The following ZNF589 variants were observed in gnomAD, a reference collection of about 807,000 sequenced individuals.
ZNF589 encodes zinc finger protein 589.
ZNF589 carries 17 observed loss-of-function variants against 13.6 expected under a neutral mutation model. The ratio of observed to expected loss-of-function variants is 1.25; its 90% CI spans 0.86 to 1.88. The LOEUF is 1.88. ZNF589 is among the 40% of genes most tolerant of loss of function. ZNF589 has a pLI of 0.00. For synonymous variants in ZNF589, 148 were observed against 161.6 expected, an observed-to-expected ratio of 0.92 and a Z score of 0.64; for missense variants, 407 against 434.0, an observed-to-expected ratio of 0.94 and a Z score of 0.55.
chr3:48,243,542 T>A (rs2033720476), intron 1 of ZNF589, among the ~76,000 whole-genome samples: 1 of 151,950 alleles, frequency 6.6e-6, no homozygotes, highest in African/African-American at 2.4e-5. Context: ...CCGGGCGCGG[T>A]GACTCACGTT....
In ZNF589 at chr3:48,269,414, G is replaced by T. The variant is rs150147797; in HGVS notation, c.*628G>T. On this transcript the variant is annotated 3_prime_UTR_variant, in exon 4 of 4. Transcript: ENST00000354698. ...TGATAAATCAACTCTCCTCGCACACGAGCAGACACATTCAGGGGAGAAGCC... is the reference window on the plus strand; with the variant it reads ...TGATAAATCAACTCTCCTCGCACACTAGCAGACACATTCAGGGGAGAAGCC... The T allele has an allele frequency of 1.8e-3, 804 of 455,554 alleles. 7 individuals are homozygous for T. The highest frequency in any genetic ancestry group is 0.016 in the African/African-American group (758 of 47,788). 28.2% of individuals were successfully genotyped at this position (455,554 alleles called of 1,614,324 possible).
chr3:48,244,358 C>T (rs1017542568), intron 1 of ZNF589, among the ~76,000 whole-genome samples: 3 of 152,114 alleles, frequency 2.0e-5, no homozygotes, highest in Admixed American at 1.3e-4. Context: ...CTTTGTTTTC[C>T]TCCTGAGTTT....
chr3:48,270,102 C>T lies in ZNF589; in HGVS notation c.*1316C>T, dbSNP rs1171795522. On this transcript the variant is annotated 3_prime_UTR_variant, in exon 4 of 4. Transcript: ENST00000354698. ...ACTTCCTTCTGCAACTGTGTTCTTCCATTAGCTTCCATGACACTCTCCTGC... is the reference window on the plus strand; with the variant it reads ...ACTTCCTTCTGCAACTGTGTTCTTCTATTAGCTTCCATGACACTCTCCTGC... The T allele has an allele frequency of 4.4e-6, 2 of 457,126 alleles. No individual in the cohort carries two copies. The highest frequency in any genetic ancestry group is 4.7e-5 in the Admixed American group (2 of 42,590). 28.3% of individuals were successfully genotyped at this position (457,126 alleles called of 1,614,324 possible).
rs1181253690 is a variant in ZNF589 at position 48,269,335 on chromosome 3, T to C, written c.*549T>C. 2.5e-6 allele frequency: 3 copies of C among 1,217,102 alleles called. No homozygotes were observed. The highest frequency in any genetic ancestry group is 4.4e-5 in the Admixed American group (2 of 45,170). The allele number at this position is 1,217,102 out of a possible 1,614,324, so 75.4% of individuals were successfully genotyped here. A position where few individuals can be genotyped will look rare whatever the true frequency, so the allele number is the denominator to read the frequency against. Reference sequence around the variant, plus strand: ...AGTCAACCCTCCACTACCACCGGAGTACACACTCCAAGGAAAAACCTTATG... The same window carrying C: ...AGTCAACCCTCCACTACCACCGGAGCACACACTCCAAGGAAAAACCTTATG... On this transcript the variant is annotated 3_prime_UTR_variant, in exon 4 of 4. Coordinates refer to ENST00000354698, the MANE Select transcript of ZNF589 (RefSeq NM_016089.3).
rs1177033444 is a variant in ZNF589 at position 48,241,304 on chromosome 3, G to C, written c.43+90G>C. On this transcript the variant is annotated intron_variant, in intron 1 of 3. Transcript: ENST00000354698. ...TCGGCCGTATCCACCAGGGATGCGCGTGGGGTGCGAGCTGTGTGAGGCGCT... is the reference window on the plus strand; with the variant it reads ...TCGGCCGTATCCACCAGGGATGCGCCTGGGGTGCGAGCTGTGTGAGGCGCT... 6 of 1,516,260 alleles carry C rather than the reference G, an allele frequency of 4.0e-6. No individual in the cohort carries two copies. The East Asian group carries it at 9.1e-5, about 23-fold the overall frequency. The allele number at this position is 1,516,260 out of a possible 1,614,324, so 93.9% of individuals were successfully genotyped here.
intron 2 of ZNF589, chr3:48,256,951 A>C (rs765280641): frequency 1.6e-5 from 10 of 642,972 alleles, no homozygotes; most frequent in South Asian, 1.5e-4. Context: ...TGAAAAACCA[A>C]CCCTGACCTC....
At chr3:48,251,235 A>T (rs1426624896) in intron 2 of ZNF589, among the ~76,000 whole-genome samples, 2 of 152,130 alleles carry the variant, frequency 1.3e-5, no homozygotes. Flanking sequence ...AGAGGAACCT[A>T]TACAAAGAAG....
intron 3 of ZNF589, among the ~76,000 whole-genome samples, chr3:48,263,102 ACTTT>A (rs1180894478): frequency 6.6e-6 from 1 of 151,764 alleles, no homozygotes; most frequent in Non-Finnish European, 1.5e-5. Context: ...ATTGTAAATT[ACTTT>A]CTTTTTTTCT....
intron 2 of ZNF589, among the ~76,000 whole-genome samples, chr3:48,259,918 C>CAAA (rs538817691): frequency 1.0e-5 from 1 of 98,160 alleles, no homozygotes. Context: ...GACTCCGTAT[C>CAAA]AAAAAAAAAA....
At chr3:48,256,978 C>A in intron 2 of ZNF589, 1 of 612,408 alleles carries the variant, frequency 1.6e-6, no homozygotes, top group South Asian at 1.5e-5. Flanking sequence ...GATTGATTTT[C>A]AAATGTTGAA....
chr3:48,254,490 C>T (rs1339982317), intron 2 of ZNF589, among the ~76,000 whole-genome samples: 2 of 152,124 alleles, frequency 1.3e-5, no homozygotes, highest in South Asian at 2.1e-4. Flanking sequence ...ATCAGTTTCT[C>T]GATAGGTACA....
chr3:48,251,174 A>T (rs546229870), intron 2 of ZNF589, among the ~76,000 whole-genome samples: 1 of 152,298 alleles, frequency 6.6e-6, no homozygotes, highest in Admixed American at 6.5e-5. Context: ...ACTTTTGAGG[A>T]TGTGGCTGTG....
At chr3:48,263,257 G>A (rs531740122) in intron 3 of ZNF589, among the ~76,000 whole-genome samples, 7 of 152,058 alleles carry the variant, frequency 4.6e-5, no homozygotes, top group South Asian at 2.1e-4. Flanking sequence ...TTACAGGCAC[G>A]TGCCACCACG....
In ZNF589 at chr3:48,269,752, G is replaced by A. The variant is rs556910634; in HGVS notation, c.*966G>A. On this transcript the variant is annotated 3_prime_UTR_variant, in exon 4 of 4. Transcript: ENST00000354698. ...CAAGTCAGCCATCAGCCACACCAGC[G>A]GAAATGCTTAGGGAGAAGCCTTGTT... 5 of 339,184 alleles carry A rather than the reference G, an allele frequency of 1.5e-5. No individual in the cohort carries two copies. Among genetic ancestry groups the A allele is most frequent in the East Asian group, 7.6e-5 (1 of 13,158 alleles). 21.0% of individuals were successfully genotyped at this position (339,184 alleles called of 1,614,324 possible). A position where few individuals can be genotyped will look rare whatever the true frequency, so the allele number is the denominator to read the frequency against.
chr3:48,245,030 G>C (rs1277433749), intron 1 of ZNF589, among the ~76,000 whole-genome samples: 3 of 151,908 alleles, frequency 2.0e-5, no homozygotes, highest in African/African-American at 7.3e-5. Context: ...GGCCAGGCTG[G>C]TCTCGAACTA....
chr3:48,242,252 A>G (rs754571393), intron 1 of ZNF589, among the ~76,000 whole-genome samples: 12 of 152,082 alleles, frequency 7.9e-5, no homozygotes, highest in Non-Finnish European at 1.6e-4. Context: ...CTGGAATTAC[A>G]GGGACACGCC....
chr3:48,269,547 G>A lies in ZNF589; in HGVS notation c.*761G>A, dbSNP rs930974641. On this transcript the variant is annotated 3_prime_UTR_variant, in exon 4 of 4. Transcript: ENST00000354698. ...CCTTACGCATGCATCGAGTGTGGGC[G>A]AAACTTTAGCCACAAGTCCACTCTC... is the stretch of plus-strand genomic sequence containing the variant. The A allele has an allele frequency of 2.0e-5, 7 of 344,394 alleles. No individual in the cohort carries two copies. The highest frequency in any genetic ancestry group is 3.4e-5 in the Non-Finnish European group (6 of 176,318). The allele number at this position is 344,394 out of a possible 1,614,324, so 21.3% of individuals were successfully genotyped here. A position where few individuals can be genotyped will look rare whatever the true frequency, so the allele number is the denominator to read the frequency against.
At chr3:48,250,254 C>T (rs2033822448) in intron 2 of ZNF589, among the ~76,000 whole-genome samples, 1 of 150,292 alleles carries the variant, frequency 6.7e-6, no homozygotes, top group East Asian at 1.9e-4. Context: ...TCCTGCTTTC[C>T]TCTCCCCTCT....
chr3:48,270,866 G>C lies in ZNF589; in HGVS notation c.*2080G>C, dbSNP rs1043925437. On this transcript the variant is annotated 3_prime_UTR_variant, in exon 4 of 4. Transcript: ENST00000354698. ...CTTAGGGGAAGGGCTAGGGGTACCTGGAATGTAGGATCTCCCCCATGCCTG... is the reference window on the plus strand; with the variant it reads ...CTTAGGGGAAGGGCTAGGGGTACCTCGAATGTAGGATCTCCCCCATGCCTG... 1.4e-4 allele frequency: 24 copies of C among 167,952 alleles called. No homozygotes were observed. The highest frequency in any genetic ancestry group is 5.8e-4 in the African/African-American group (24 of 41,648). The allele number at this position is 167,952 out of a possible 1,614,324, so 10.4% of individuals were successfully genotyped here.
Sources: gnomAD v4.1 joint callset for allele counts (sites outside exome capture counted in the v4.1 genomes callset) on GRCh38, gnomAD v4.1.1 for gene constraint, MANE v1.5 for transcripts, NCBI Gene and HGNC (gene_info 2026-07-23, HGNC 2026-07-21) for gene names.